Variants in NCALD observed in about 807,000 individuals in gnomAD.
NCALD encodes neurocalcin delta.
A neutral mutation model predicts 18.6 loss-of-function variants in NCALD; 10 were observed. The observed-to-expected ratio is 0.54, with a 90% CI of 0.33 to 0.91. NCALD has a LOEUF of 0.91. Among genes scored for constraint, NCALD ranks in the 40% least tolerant of loss-of-function variants. The pLI is 0.03. For synonymous variants in NCALD, 88 were observed against 87.4 expected, an observed-to-expected ratio of 1.01 and a Z score of -0.04; for missense variants, 184 against 247.6, an observed-to-expected ratio of 0.74 and a Z score of 1.72.
At chr8:101,777,019 A>G (rs1334555872) in intron 1 of NCALD, among the ~76,000 whole-genome samples, 1 of 152,116 alleles carries the variant, frequency 6.6e-6, no homozygotes, top group Non-Finnish European at 1.5e-5. Flanking sequence ...AACAATTTCC[A>G]CCAGTCTCCC....
At chr8:101,926,654 C>T (rs1362924863) in intron 2 of NCALD, among the ~76,000 whole-genome samples, 1 of 152,178 alleles carries the variant, frequency 6.6e-6, no homozygotes, top group Non-Finnish European at 1.5e-5. Context: ...GCTTCAAAGA[C>T]CACAGTCTTA....
At chr8:102,054,917 T>A (rs906377792) in intron 1 of NCALD, among the ~76,000 whole-genome samples, 1 of 152,146 alleles carries the variant, frequency 6.6e-6, no homozygotes, top group Non-Finnish European at 1.5e-5. Flanking sequence ...ACAAGTCCCC[T>A]CAGAACCATC....
At chr8:101,914,145 C>G (rs886357740) in intron 3 of NCALD, among the ~76,000 whole-genome samples, 3 of 152,208 alleles carry the variant, frequency 2.0e-5, no homozygotes, top group Non-Finnish European at 4.4e-5. Context: ...ATTGAGTCAT[C>G]ATGTCTCCTT....
intron 1 of NCALD, among the ~76,000 whole-genome samples, chr8:101,779,076 T>G (rs1811909951): frequency 6.6e-6 from 1 of 152,130 alleles, no homozygotes; most frequent in South Asian, 2.1e-4. Context: ...TCCATAAAAT[T>G]GTGATGGAAA....
chr8:101,753,679 A>T (rs1038773513), intron 1 of NCALD, among the ~76,000 whole-genome samples: 2 of 152,132 alleles, frequency 1.3e-5, no homozygotes, highest in Non-Finnish European at 2.9e-5. Context: ...GGCTTCTTAG[A>T]TCTTAAGACA....
chr8:101,706,630 G>A (rs780946476), intron 2 of NCALD, among the ~76,000 whole-genome samples: 1 of 152,150 alleles, frequency 6.6e-6, no homozygotes, highest in Non-Finnish European at 1.5e-5. Flanking sequence ...GTTAACATGA[G>A]ATCATCACGA....
At chr8:101,708,181 G>A (rs528019909) in intron 2 of NCALD, among the ~76,000 whole-genome samples, 1 of 152,182 alleles carries the variant, frequency 6.6e-6, no homozygotes, top group African/African-American at 2.4e-5. Context: ...GAATTCCTGG[G>A]GCCAACTACA....
At chr8:101,879,566 T>C (rs899941791) in intron 4 of NCALD, among the ~76,000 whole-genome samples, 2 of 152,164 alleles carry the variant, frequency 1.3e-5, no homozygotes, top group Admixed American at 6.5e-5. Flanking sequence ...CACTGTGTGG[T>C]GGGACCTCAA....
At chr8:102,041,725 G>A (rs1823056329) in intron 1 of NCALD, among the ~76,000 whole-genome samples, 2 of 152,126 alleles carry the variant, frequency 1.3e-5, no homozygotes, top group African/African-American at 4.8e-5. Context: ...CATCCTAGTT[G>A]ATTTTTGAGC....
chr8:101,698,442 A>G (rs923606259), intron 2 of NCALD, among the ~76,000 whole-genome samples: 12 of 152,228 alleles, frequency 7.9e-5, no homozygotes, highest in African/African-American at 2.9e-4. Context: ...ATTTAATTTC[A>G]TATGGAACCA....
At chr8:101,802,437 G>GATT (rs1273234863) in intron 4 of NCALD, among the ~76,000 whole-genome samples, 2 of 152,102 alleles carry the variant, frequency 1.3e-5, no homozygotes, top group African/African-American at 4.8e-5. Context: ...AGCTAGAAAT[G>GATT]ATTAGACTTA....
intron 1 of NCALD, among the ~76,000 whole-genome samples, chr8:101,765,104 A>G (rs961887197): frequency 4.6e-5 from 7 of 152,182 alleles, no homozygotes; most frequent in Admixed American, 2.0e-4. Flanking sequence ...TGTGGCCCCA[A>G]CCTTTAGGAA....
At chr8:101,747,116 C>T (rs1053082616) in intron 1 of NCALD, among the ~76,000 whole-genome samples, 4 of 152,214 alleles carry the variant, frequency 2.6e-5, no homozygotes, top group Non-Finnish European at 5.9e-5. Context: ...TCCCGTGGCA[C>T]ACAGTCTGTT....
intron 2 of NCALD, among the ~76,000 whole-genome samples, chr8:101,964,031 A>G (rs1819932281): frequency 6.6e-6 from 1 of 152,200 alleles, no homozygotes; most frequent in South Asian, 2.1e-4. Context: ...GAGCTAAAAT[A>G]TGCCTTTCTT....
intron 1 of NCALD, among the ~76,000 whole-genome samples, chr8:101,770,710 G>A (rs1811548739): frequency 1.3e-5 from 2 of 152,058 alleles, no homozygotes; most frequent in South Asian, 4.1e-4. Context: ...CAAGGCACAG[G>A]GCAGAGACAG....
chr8:101,849,900 T>A (rs1815022482), intron 4 of NCALD, among the ~76,000 whole-genome samples: 1 of 152,204 alleles, frequency 6.6e-6, no homozygotes, highest in Non-Finnish European at 1.5e-5. Flanking sequence ...TCCCTGTGTT[T>A]CCCCAGCCAT....
chr8:101,778,424 A>G (rs955077221), intron 1 of NCALD, among the ~76,000 whole-genome samples: 1 of 152,222 alleles, frequency 6.6e-6, no homozygotes, highest in Non-Finnish European at 1.5e-5. Context: ...CCAGAAGAGC[A>G]ACAGAACATC....
At chr8:102,041,310 T>A (rs531516763) in intron 1 of NCALD, among the ~76,000 whole-genome samples, 2 of 152,276 alleles carry the variant, frequency 1.3e-5, no homozygotes, top group Non-Finnish European at 2.9e-5. Context: ...AAGTTACAAC[T>A]AAAAACACTT....
chr8:101,697,648 A>G (rs1461625109), intron 2 of NCALD, among the ~76,000 whole-genome samples: 1 of 152,192 alleles, frequency 6.6e-6, no homozygotes, highest in Non-Finnish European at 1.5e-5. Context: ...ACATATGCAA[A>G]TAAATAAACA....
Sources: allele counts gnomAD v4.1 joint callset (sites outside exome capture counted in the v4.1 genomes callset), GRCh38; gene constraint gnomAD v4.1.1; transcripts MANE v1.5; gene names NCBI Gene and HGNC (gene_info 2026-07-23, HGNC 2026-07-21).